Variants in ARID2 observed in about 807,000 individuals in gnomAD.
ARID2 encodes the protein AT-rich interaction domain 2.
ARID2 carries 32 observed loss-of-function variants against 184.6 expected under a neutral mutation model. The observed-to-expected ratio is 0.17, with a 90% CI of 0.13 to 0.23. ARID2 has a LOEUF of 0.23. Ranked by LOEUF, ARID2 falls within the 10% of genes least tolerant of loss-of-function variation. ARID2 has a pLI of 1.00. For missense variants in ARID2, 1,696 were observed against 2,197.6 expected (o/e 0.77, Z 4.56); for synonymous variants, 836 against 772.6 (o/e 1.08, Z -1.36).
intron 6 of ARID2, among the ~76,000 whole-genome samples, chr12:45,827,858 C>G (rs934959347): frequency 1.3e-5 from 2 of 152,010 alleles, no homozygotes; most frequent in Non-Finnish European, 2.9e-5. Flanking sequence ...TAGTAGCAGA[C>G]AAATGTGCCT....
intron 6 of ARID2, among the ~76,000 whole-genome samples, chr12:45,822,346 A>T (rs1379014549): frequency 2.6e-5 from 4 of 152,132 alleles, no homozygotes; most frequent in Non-Finnish European, 5.9e-5. Flanking sequence ...TACAAAAAAA[A>T]GTATATATTT....
chr12:45,783,743 C>T (rs1038600872), intron 3 of ARID2, among the ~76,000 whole-genome samples: 5 of 152,302 alleles, frequency 3.3e-5, no homozygotes, highest in Admixed American at 6.5e-5. Flanking sequence ...CTGTGCAGCC[C>T]GGTTCCTAAC....
chr12:45,738,337 C>T lies in ARID2; in HGVS notation c.284+7023C>T, dbSNP rs191355024. 1.0e-3 allele frequency among the ~76,000 whole-genome samples: 152 copies of T among 152,154 alleles called. 1 individual carries two copies. The highest frequency in any genetic ancestry group is 1.5e-3 in the Non-Finnish European group (105 of 68,004). ...TATTTATTTTTATTTATTTTTGAGA[C>T]GGAGTTGCTCTCTGTCACTCAGGCT... On this transcript the variant is annotated intron_variant, in intron 3 of 20. Coordinates refer to ENST00000334344, the MANE Select transcript of ARID2 (RefSeq NM_152641.4).
intron 3 of ARID2, among the ~76,000 whole-genome samples, chr12:45,738,945 CCTG>C (rs1941187158): frequency 6.6e-6 from 1 of 151,710 alleles, no homozygotes; most frequent in African/African-American, 2.4e-5. Flanking sequence ...TGCTGATAGA[CCTG>C]CTGTACATTT....
rs1316172605 is a variant in ARID2 at position 45,817,704 on chromosome 12, C to T, written c.453C>T (p.Asp151=). Residue 151 remains aspartate (D), a synonymous_variant, in exon 5 of 21, where the codon GAC becomes GAT. Coordinates refer to ENST00000334344, the MANE Select transcript of ARID2 (RefSeq NM_152641.4). ...GTCAAAGTTATGGGCTGTCCATGGA[C>T]TTTAATTCGCCAAATGATTATAATA... ...YLRQSYGLSM[D]FNSPNDYNKL... is the part of the protein sequence containing the mutation. The T allele has an allele frequency of 1.9e-6, 3 of 1,611,604 alleles. No homozygotes were observed. The highest frequency in any genetic ancestry group is 8.5e-7 in the Non-Finnish European group (1 of 1,179,718).
chr12:45,795,950 T>G (rs928314021), intron 3 of ARID2, among the ~76,000 whole-genome samples: 1 of 152,158 alleles, frequency 6.6e-6, no homozygotes, highest in African/African-American at 2.4e-5. Context: ...AAAAGCTGTT[T>G]TAAAGATTTG....
At chr12:45,854,445 C>T (rs1005838896) in intron 15 of ARID2, among the ~76,000 whole-genome samples, 1 of 152,126 alleles carries the variant, frequency 6.6e-6, no homozygotes, top group Non-Finnish European at 1.5e-5. Flanking sequence ...ATAATTAATC[C>T]TGAGTTATTG....
intron 16 of ARID2, among the ~76,000 whole-genome samples, chr12:45,886,821 G>A (rs1301604280): frequency 1.3e-5 from 2 of 152,190 alleles, no homozygotes; most frequent in Non-Finnish European, 2.9e-5. Context: ...GGAACAGCTG[G>A]GATGCAGGGC....
intron 13 of ARID2, 61 bp from the exon 14 acceptor site, chr12:45,849,519 A>G (rs1943501699): frequency 1.2e-5 from 16 of 1,362,074 alleles, no homozygotes; most frequent in Non-Finnish European, 1.6e-5. Context: ...TCATGTAAAC[A>G]TAATGTTAGA....
intron 3 of ARID2, among the ~76,000 whole-genome samples, chr12:45,737,733 T>C (rs1941158351): frequency 6.6e-6 from 1 of 152,156 alleles, no homozygotes; most frequent in African/African-American, 2.4e-5. Context: ...GATCTAAGTA[T>C]TGTAATGAAA....
At chr12:45,884,189 G>A (rs761958470) in intron 16 of ARID2, among the ~76,000 whole-genome samples, 7 of 152,046 alleles carry the variant, frequency 4.6e-5, no homozygotes, top group African/African-American at 9.7e-5. Context: ...TTGAGGTCAC[G>A]AGTTCAAGAC....
chr12:45,824,648 A>G (rs1202376211), intron 6 of ARID2, among the ~76,000 whole-genome samples: 1 of 152,062 alleles, frequency 6.6e-6, no homozygotes, highest in East Asian at 1.9e-4. Context: ...AATAATGTGG[A>G]TAAAAGGGAA....
At chr12:45,783,973 A>G (rs1163368176) in intron 3 of ARID2, among the ~76,000 whole-genome samples, 2 of 152,130 alleles carry the variant, frequency 1.3e-5, no homozygotes, top group African/African-American at 2.4e-5. Context: ...CCAAAAATAT[A>G]AATATGCAAA....
Position 45,730,029 on chromosome 12 carries a change from T to A in ARID2, c.93-15T>A, listed in dbSNP as rs1940947095. 1 of 1,611,862 alleles carries A rather than the reference T, an allele frequency of 6.2e-7. No individual in the cohort carries two copies. The highest frequency in any genetic ancestry group is 8.5e-7 in the Non-Finnish European group (1 of 1,179,274). The stretch of plus-strand genomic sequence containing the variant: ...GGTCCCGGCTGACAAGTGCGGGGCT[T>A]TTTCTCTCCCGCAGGTCGCCTTTTA... On this transcript the variant is annotated splice_polypyrimidine_tract_variant and intron_variant, in intron 1 of 20. Coordinates refer to ENST00000334344, the MANE Select transcript of ARID2 (RefSeq NM_152641.4).
intron 20 of ARID2, 144 bp downstream of exon 20, chr12:45,893,865 G>A (rs1227043589): frequency 9.7e-6 from 6 of 620,940 alleles, no homozygotes; most frequent in Non-Finnish European, 1.5e-5. Context: ...GCCTAGGTCA[G>A]GCCATGATGA....
Position 45,730,070 on chromosome 12 carries a change from T to C in ARID2, c.119T>C (p.Val40Ala). Residue 40 changes from valine to alanine, a missense_variant, in exon 2 of 21, where the codon GTG becomes GCG. Physicochemically the swap from Val to Ala is moderately conservative, Grantham distance 64 (BLOSUM62 0). Transcript: ENST00000334344. ...TCGCCTTTTAAAAAAATCCCTGCGG[T>C]GGGTGGGAAGGAGCTGGATCTTCAC... ...RGSPFKKIPA[V>A]GGKELDLHGL... The C allele has an allele frequency of 6.2e-7, 1 of 1,613,110 alleles. No homozygotes were observed.
At position 45,902,984 on chromosome 12, in the gene ARID2, T is replaced by A. The variant is rs78216451; in HGVS notation, c.5364-1950T>A. 1.3e-3 allele frequency among the ~76,000 whole-genome samples: 199 copies of A among 152,286 alleles called. 1 individual carries two copies. Among genetic ancestry groups the A allele is most frequent in the Middle Eastern group, 3.4e-3 (1 of 294 alleles). On this transcript the variant is annotated intron_variant, in intron 20 of 20. Transcript: ENST00000334344. ...ATTATCACAAACTGAACCACTCATA[T>A]AACTATCTGTCCAAGTTAAGAAATA...
intron 3 of ARID2, among the ~76,000 whole-genome samples, chr12:45,737,380 C>T (rs1240328362): frequency 6.6e-6 from 1 of 151,594 alleles, no homozygotes; most frequent in African/African-American, 2.4e-5. Context: ...CCCATTATAC[C>T]ATTGATTTGG....
chr12:45,889,602 T>G, intron 16 of ARID2, among the ~76,000 whole-genome samples: 1 of 152,240 alleles, frequency 6.6e-6, no homozygotes, highest in East Asian at 1.9e-4. Flanking sequence ...TTTACATTTC[T>G]TTAGAGTTTA....
Sources: gnomAD v4.1 joint callset for allele counts (sites outside exome capture counted in the v4.1 genomes callset) on GRCh38, gnomAD v4.1.1 for gene constraint, MANE v1.5 for transcripts, NCBI Gene and HGNC (gene_info 2026-07-23, HGNC 2026-07-21) for gene names.